SORBS2: variants seen among roughly 807,000 people sequenced by gnomAD.
SORBS2 encodes sorbin and SH3 domain containing 2, also known as sorbin and SH3 domain-containing protein 2.
A neutral mutation model predicts 97.7 loss-of-function variants in SORBS2; 46 were observed. The ratio of observed to expected loss-of-function variants is 0.47; its 90% CI spans 0.37 to 0.60. The LOEUF (loss-of-function observed/expected upper bound fraction) is 0.60, where lower values mean the gene tolerates loss of function less well. Ranked by LOEUF, SORBS2 falls within the 20% of genes least tolerant of loss-of-function variation. The pLI is 0.00. For synonymous variants in SORBS2, 476 were observed against 473.4 expected (o/e 1.01, Z -0.07); for missense variants, 1,316 against 1,282.3 (o/e 1.03, Z -0.40).
chr4:185,859,087 C>T (rs923823870), intron 1 of SORBS2, among the ~76,000 whole-genome samples: 3 of 143,894 alleles, frequency 2.1e-5, no homozygotes, highest in Admixed American at 7.1e-5. Context: ...CAGGAAATTG[C>T]CAAGAAAACA....
chr4:185,903,018 C>T lies in SORBS2; in HGVS notation c.-338+53178G>A, dbSNP rs2099248553. On this transcript the variant is annotated intron_variant, in intron 1 of 20. Coordinates refer to the SORBS2 transcript ENST00000284776. ...ATCTGTGAACTGAGAAAACTAAAAG[C>T]ACTGATTCCATGGGGTGCTGTGAGT... 1.3e-5 allele frequency among the ~76,000 whole-genome samples: 2 copies of T among 152,186 alleles called. 1 individual carries two copies. Among genetic ancestry groups the T allele is most frequent in the Admixed American group, 1.3e-4 (2 of 15,278 alleles).
exon 6 of SORBS2, chr4:185,626,952 C>T: frequency 6.2e-7 from 1 of 1,614,184 alleles, no homozygotes; most frequent in Non-Finnish European, 8.5e-7. Context: ...TCTCCCAAGC[C>T]CCGTGGTGGA....
rs749147048 is a variant in SORBS2, at chr4:185,624,151, C to T, written c.978G>A (p.Trp326Ter). The T allele has an allele frequency of 6.2e-7, 1 of 1,614,106 alleles. No homozygotes were observed. Among genetic ancestry groups the T allele is most frequent in the Non-Finnish European group, 8.5e-7 (1 of 1,180,042 alleles). ...GAACCTCCGGGACGTAGGGGGACCCCCACGCCATGGGGCAGCTCTCCTTGG... is the reference window on the plus strand; with the variant it reads ...GAACCTCCGGGACGTAGGGGGACCCTCACGCCATGGGGCAGCTCTCCTTGG... Residue 326 changes from tryptophan (W) to a stop codon, truncating the protein, a stop_gained, in exon 7 of 15, where the codon TGG (tryptophan) becomes TGA (stop). Coordinates refer to ENST00000418609, the Ensembl canonical transcript of SORBS2. LOFTEE classifies it high-confidence loss of function.
intron 1 of SORBS2, among the ~76,000 whole-genome samples, chr4:185,899,856 T>C (rs2099246777): frequency 6.6e-6 from 1 of 152,114 alleles, no homozygotes; most frequent in Non-Finnish European, 1.5e-5. Context: ...GGAAGACTTA[T>C]TAGAAGGGGG....
chr4:185,870,906 G>A (rs1008851210), intron 1 of SORBS2, among the ~76,000 whole-genome samples: 1 of 152,190 alleles, frequency 6.6e-6, no homozygotes, highest in Non-Finnish European at 1.5e-5. Flanking sequence ...ACTGTGCGAG[G>A]ATTTGAGGAG....
At chr4:185,670,894 T>C (rs999208083) in intron 4 of SORBS2, among the ~76,000 whole-genome samples, 1 of 152,148 alleles carries the variant, frequency 6.6e-6, no homozygotes, top group Non-Finnish European at 1.5e-5. Flanking sequence ...GCCTCCCTCC[T>C]GGGAATTTGA....
At position 185,623,971 on chromosome 4, in the gene SORBS2, G is replaced by A. The variant is rs569241132; in HGVS notation, c.1158C>T (p.Ser386=). The A allele has an allele frequency of 3.1e-6, 5 of 1,614,190 alleles. No homozygotes were observed. The highest frequency in any genetic ancestry group is 2.2e-5 in the East Asian group (1 of 44,868). ...GCAGCAGGTCCTTGTGCTGCTGCTC[G>A]CTCTCGTACTGCAGAATCCTGGACT... is the stretch of plus-strand genomic sequence containing the variant. The change falls in exon 7 of 15, where the codon AGC becomes AGT. Residue 386 remains serine (S), a synonymous_variant. Coordinates refer to ENST00000418609, the Ensembl canonical transcript of SORBS2. This position sits in a 1 kb window ranked among gnomAD's most constrained non-coding sequence, Gnocchi z 6.4.
chr4:185,622,796 A>G (rs1188296998), intron 7 of SORBS2, 118 bp downstream of exon 19: 2 of 1,030,282 alleles, frequency 1.9e-6, no homozygotes, highest in Non-Finnish European at 2.8e-6. Flanking sequence ...GCTTCACAAC[A>G]CATAACGACG....
At chr4:185,683,411 G>A (rs2097903663) in intron 2 of SORBS2, among the ~76,000 whole-genome samples, 1 of 152,128 alleles carries the variant, frequency 6.6e-6, no homozygotes, top group South Asian at 2.1e-4. Context: ...GATCCTATTT[G>A]GTTGAAATGT....
intron 4 of SORBS2, among the ~76,000 whole-genome samples, chr4:185,672,551 T>C (rs2153489597): frequency 6.6e-6 from 1 of 152,306 alleles, no homozygotes; most frequent in African/African-American, 2.4e-5. Context: ...TTCTGGTCTG[T>C]TTGTAGGAGG....
At chr4:185,703,660 G>T (rs566346929) in intron 2 of SORBS2, among the ~76,000 whole-genome samples, 1 of 152,308 alleles carries the variant, frequency 6.6e-6, no homozygotes, top group Non-Finnish European at 1.5e-5. Flanking sequence ...TTTGATTACT[G>T]TTGAGAAATG....
chr4:185,784,192 C>T (rs778940552), intron 1 of SORBS2, among the ~76,000 whole-genome samples: 5 of 152,236 alleles, frequency 3.3e-5, no homozygotes, highest in Non-Finnish European at 5.9e-5. Flanking sequence ...AGTGCAGTGA[C>T]GGGATCTCAG....
chr4:185,685,827 A>G (rs927241716), intron 2 of SORBS2, among the ~76,000 whole-genome samples: 3 of 152,220 alleles, frequency 2.0e-5, no homozygotes, highest in Non-Finnish European at 4.4e-5. Context: ...TATTGCTTTT[A>G]TACTTTTAAC....
At position 185,931,984 on chromosome 4, in the gene SORBS2, C is replaced by CCG. The variant is rs1554054150; in HGVS notation, c.-338+24211_-338+24212insCG. Among the ~76,000 whole-genome samples, 359 of 148,868 alleles carry CCG rather than the reference C, an allele frequency of 2.4e-3. 2 individuals are homozygous for CCG. The highest frequency in any genetic ancestry group is 8.6e-3 in the African/African-American group (347 of 40,348). ...CATCTTAAGGGAAGAACCTGTCTCT[C>CCG]TCTCTCTCTCTCTCTCTCTATATAT... is the stretch of plus-strand genomic sequence containing the variant. On this transcript the variant is annotated intron_variant, in intron 1 of 20. Coordinates refer to the SORBS2 transcript ENST00000284776.
intron 2 of SORBS2, among the ~76,000 whole-genome samples, chr4:185,716,183 C>G (rs115389514): frequency 2.1e-3 from 327 of 152,350 alleles, no homozygotes; most frequent in African/African-American, 7.6e-3. Flanking sequence ...TGGGCGTGGT[C>G]TCCCGTAACA....
At chr4:185,651,073 A>AG (rs145912611) in intron 2 of SORBS2, among the ~76,000 whole-genome samples, 1 of 152,294 alleles carries the variant, frequency 6.6e-6, no homozygotes, top group East Asian at 1.9e-4. Flanking sequence ...TAAAGAAAGA[A>AG]GAAAAAAAAT....
intron 4 of SORBS2, among the ~76,000 whole-genome samples, chr4:185,672,242 T>A (rs1306944747): frequency 6.6e-6 from 1 of 152,228 alleles, no homozygotes; most frequent in Non-Finnish European, 1.5e-5. Flanking sequence ...TCCTCTCCCT[T>A]CTACATGACA....
At chr4:185,594,642 C>G (rs1231520083) in intron 12 of SORBS2, among the ~76,000 whole-genome samples, 1 of 152,132 alleles carries the variant, frequency 6.6e-6, no homozygotes, top group East Asian at 1.9e-4. Flanking sequence ...AACTAAGCAT[C>G]AAGACCAGTA....
intron 2 of SORBS2, among the ~76,000 whole-genome samples, chr4:185,737,243 G>A (rs2098693358): frequency 1.3e-5 from 2 of 152,150 alleles, no homozygotes. Context: ...CCAGGTTGGG[G>A]GTATAAAGAG....
Sources: gnomAD v4.1 joint callset for allele counts (sites outside exome capture counted in the v4.1 genomes callset) on GRCh38, gnomAD v4.1.1 for gene constraint, Gnocchi (gnomAD v3.1) non-coding constraint, MANE v1.5 for transcripts, NCBI Gene and HGNC (gene_info 2026-07-23, HGNC 2026-07-21) for gene names.